The following ADGRL2 variants were observed in gnomAD, a reference collection of about 807,000 sequenced individuals.
ADGRL2 encodes the protein adhesion G protein-coupled receptor L2, also known as calcium-independent alpha-latrotoxin receptor 2.
In ADGRL2, 44 loss-of-function variants were observed where a neutral mutation model predicts 157.4. That is an observed-to-expected ratio of 0.28 (90% confidence interval 0.22 to 0.36). ADGRL2 has a LOEUF of 0.36. Ranked by LOEUF, ADGRL2 falls within the 10% of genes least tolerant of loss-of-function variation. The pLI, the probability that ADGRL2 is intolerant of heterozygous loss-of-function variation, is 1.00. For missense variants in ADGRL2, 1,510 were observed against 1,768.9 expected, an observed-to-expected ratio of 0.85 and a Z score of 2.63; for synonymous variants, 585 against 624.7, an observed-to-expected ratio of 0.94 and a Z score of 0.95.
intron 1 of ADGRL2, among the ~76,000 whole-genome samples, chr1:81,819,902 G>C (rs955598470): frequency 6.6e-6 from 1 of 152,048 alleles, no homozygotes; most frequent in Admixed American, 6.6e-5. Flanking sequence ...TGCCCTCGAA[G>C]ATTTAAAAAA....
At chr1:81,582,596 CAA>C (rs199970091) in intron 3 of ADGRL2, among the ~76,000 whole-genome samples, 1 of 138,398 alleles carries the variant, frequency 7.2e-6, no homozygotes, top group Non-Finnish European at 1.6e-5. Context: ...CAATTGCACT[CAA>C]AAAAAAAAAG....
At chr1:81,713,157 A>G (rs2083994252) in intron 1 of ADGRL2, among the ~76,000 whole-genome samples, 2 of 152,178 alleles carry the variant, frequency 1.3e-5, no homozygotes, top group Admixed American at 6.5e-5. Context: ...AAGGCATTCC[A>G]TCTTGAGAGG....
intron 2 of ADGRL2, among the ~76,000 whole-genome samples, chr1:81,906,094 G>T (rs1247397374): frequency 6.6e-6 from 1 of 151,898 alleles, no homozygotes; most frequent in Non-Finnish European, 1.5e-5. Flanking sequence ...TATCCCTTCT[G>T]CATTAGTAGT....
At chr1:81,799,464 A>C (rs2149448542), upstream of ADGRL2, among the ~76,000 whole-genome samples, 1 of 152,344 alleles carries the variant, frequency 6.6e-6, no homozygotes, top group Admixed American at 6.5e-5. Context: ...TGTTCTAGTT[A>C]TTTGGACACA....
chr1:81,863,793 A>G (rs181361912), intron 2 of ADGRL2, among the ~76,000 whole-genome samples: 1 of 152,318 alleles, frequency 6.6e-6, no homozygotes, highest in Admixed American at 6.5e-5. Flanking sequence ...GCAGAAAGAG[A>G]TTAAAGTCAA....
intron 2 of ADGRL2, among the ~76,000 whole-genome samples, chr1:81,528,303 C>CTATAGCACT (rs1180384484): frequency 6.6e-6 from 1 of 152,042 alleles, no homozygotes; most frequent in African/African-American, 2.4e-5. Flanking sequence ...ATGAGTGATC[C>CTATAGCACT]CATGAGTGCT....
At chr1:81,769,368 G>T (rs1199243721) in intron 2 of ADGRL2, among the ~76,000 whole-genome samples, 1 of 151,924 alleles carries the variant, frequency 6.6e-6, no homozygotes, top group Non-Finnish European at 1.5e-5. Context: ...ATTTGACGTT[G>T]GTTTTTGTGT....
intron 2 of ADGRL2, among the ~76,000 whole-genome samples, chr1:81,546,960 C>A (rs147989988): frequency 2.3e-3 from 354 of 152,296 alleles, no homozygotes; most frequent in African/African-American, 7.9e-3. Flanking sequence ...TTTGTTCACT[C>A]AATTCTTACA....
rs550273020 is a variant in ADGRL2, at chr1:81,823,426, T to C, written c.-100-13459T>C. On this transcript the variant is annotated intron_variant, in intron 1 of 23. Coordinates refer to ENST00000686636, the MANE Select transcript of ADGRL2 (RefSeq NM_001366006.2). Reference sequence around the variant, plus strand: ...TCCTGTCTCCCTCCTTCCCCCTACCTCTGTCCCTCTCTCCCTCCTATGTTT... The same window carrying C: ...TCCTGTCTCCCTCCTTCCCCCTACCCCTGTCCCTCTCTCCCTCCTATGTTT... Among the ~76,000 whole-genome samples, 4 of 134,290 alleles carry C rather than the reference T, an allele frequency of 3.0e-5. No individual in the cohort carries two copies. In the South Asian group the frequency reaches 1.0e-3, roughly 35 times the overall value. The allele number at this position is 134,290 out of a possible 152,430, so 88.1% of individuals were successfully genotyped here. A position where few individuals can be genotyped will look rare whatever the true frequency, so the allele number is the denominator to read the frequency against.
At chr1:81,613,040 A>G (rs1308221553) in intron 3 of ADGRL2, among the ~76,000 whole-genome samples, 1 of 152,198 alleles carries the variant, frequency 6.6e-6, no homozygotes, top group African/African-American at 2.4e-5. Context: ...GGGAAGAGAC[A>G]AGGAAACAAA....
chr1:81,426,871 T>G, intron 1 of ADGRL2: 1 of 623,402 alleles, frequency 1.6e-6, no homozygotes, highest in Non-Finnish European at 3.0e-6. Context: ...TACAGAAGAA[T>G]ATAATTTGAG....
intron 3 of ADGRL2, among the ~76,000 whole-genome samples, chr1:81,926,770 A>G (rs968475228): frequency 6.6e-6 from 1 of 152,002 alleles, no homozygotes; most frequent in Non-Finnish European, 1.5e-5. Context: ...TGCTTTGTAA[A>G]TAAATACTTC....
intron 3 of ADGRL2, among the ~76,000 whole-genome samples, chr1:81,625,013 G>T (rs185523817): frequency 6.6e-6 from 1 of 152,202 alleles, no homozygotes; most frequent in Non-Finnish European, 1.5e-5. Flanking sequence ...ACCTTGTGCT[G>T]TGTCTTTCTG....
At chr1:81,343,700 G>T (rs1371233596) in intron 1 of ADGRL2, among the ~76,000 whole-genome samples, 2 of 152,056 alleles carry the variant, frequency 1.3e-5, no homozygotes, top group East Asian at 3.9e-4. Context: ...GAGAAAGAGA[G>T]TGTGACAGAG....
At chr1:81,798,290 T>A (rs1054777431), upstream of ADGRL2, among the ~76,000 whole-genome samples, 3 of 152,176 alleles carry the variant, frequency 2.0e-5, no homozygotes, top group Admixed American at 2.0e-4. Context: ...GGCAGGTTTG[T>A]GGCTAACAGC....
At chr1:81,766,891 A>G (rs1428573610) in intron 2 of ADGRL2, among the ~76,000 whole-genome samples, 1 of 151,500 alleles carries the variant, frequency 6.6e-6, no homozygotes, top group African/African-American at 2.4e-5. Flanking sequence ...GTGAATACCC[A>G]TGTACCACCA....
rs538089003 is a variant in ADGRL2 at position 81,852,005 on chromosome 1, T to C, written c.73+14948T>C. ...AAAATTATTATATTCTGTACAATGA[T>C]GAACTATTCTAGCTTCAAGTACTTG... is the stretch of plus-strand genomic sequence containing the variant. On this transcript the variant is annotated intron_variant, in intron 2 of 23. Coordinates refer to ENST00000686636, the MANE Select transcript of ADGRL2 (RefSeq NM_001366006.2). 7.2e-5 allele frequency among the ~76,000 whole-genome samples: 11 copies of C among 152,112 alleles called. No homozygotes were observed. In the East Asian group the frequency reaches 2.1e-3, roughly 29 times the overall value.
At chr1:81,597,245 A>T (rs2081253578) in intron 3 of ADGRL2, among the ~76,000 whole-genome samples, 1 of 152,178 alleles carries the variant, frequency 6.6e-6, no homozygotes, top group African/African-American at 2.4e-5. Flanking sequence ...ATCCTGTGAT[A>T]CTGATTCTCT....
At position 81,606,763 on chromosome 1, in the gene ADGRL2, T is replaced by C. The variant is rs976322152; in HGVS notation, c.-143+25783T>C. Among the ~76,000 whole-genome samples, 254 of 151,586 alleles carry C rather than the reference T, an allele frequency of 1.7e-3. 1 individual carries two copies. The highest frequency in any genetic ancestry group is 5.8e-3 in the African/African-American group (241 of 41,236). ...GGATCAACGTGTGTGTGTGTGTGTGTGTGTGTGTGTGCGCACGCGTGTGTG... is the reference window on the plus strand; with the variant it reads ...GGATCAACGTGTGTGTGTGTGTGTGCGTGTGTGTGTGCGCACGCGTGTGTG... On this transcript the variant is annotated intron_variant, in intron 3 of 24. Transcript: ENST00000370721.
Sources: gnomAD v4.1 joint callset for allele counts (sites outside exome capture counted in the v4.1 genomes callset) on GRCh38, gnomAD v4.1.1 for gene constraint, MANE v1.5 for transcripts, NCBI Gene and HGNC (gene_info 2026-07-23, HGNC 2026-07-21) for gene names.